GULP1: variants seen among roughly 807,000 people sequenced by gnomAD.
GULP1 encodes the protein GULP PTB domain containing engulfment adaptor 1, also known as PTB domain-containing engulfment adapter protein 1.
Under a neutral mutation model 40.9 loss-of-function variants are expected in GULP1, and 19 were observed. The ratio of observed to expected loss-of-function variants is 0.46; its 90% CI spans 0.32 to 0.68. The LOEUF is 0.68. Ranked by LOEUF, GULP1 falls within the 30% of genes least tolerant of loss-of-function variation. GULP1 has a pLI of 0.03. For missense variants in GULP1, 312 were observed against 362.2 expected (o/e 0.86, Z 1.12); for synonymous variants, 119 against 117.6 (o/e 1.01, Z -0.08).
At chr2:188,405,064 G>T (rs974664147) in intron 2 of GULP1, among the ~76,000 whole-genome samples, 4 of 152,152 alleles carry the variant, frequency 2.6e-5, no homozygotes, top group African/African-American at 9.6e-5. Context: ...GTCCACCTCA[G>T]TAGATTCCAG....
At chr2:188,538,331 A>T (rs1689483385) in intron 6 of GULP1, among the ~76,000 whole-genome samples, 1 of 152,044 alleles carries the variant, frequency 6.6e-6, no homozygotes. Flanking sequence ...CTAATAGCTA[A>T]TTTTTAAGAG....
intron 10 of GULP1, among the ~76,000 whole-genome samples, chr2:188,585,031 C>T (rs748068427): frequency 2.6e-5 from 4 of 152,162 alleles, no homozygotes; most frequent in Non-Finnish European, 5.9e-5. Flanking sequence ...ATTGGGTGAA[C>T]GTTTCCATTC....
chr2:188,461,965 G>C, intron 2 of GULP1, among the ~76,000 whole-genome samples: 1 of 151,698 alleles, frequency 6.6e-6, no homozygotes, highest in East Asian at 1.9e-4. Flanking sequence ...CTCCTCTGTT[G>C]GTTTGGGTTT....
chr2:188,445,451 A>C (rs2058305096), intron 2 of GULP1, among the ~76,000 whole-genome samples: 1 of 152,200 alleles, frequency 6.6e-6, no homozygotes, highest in Non-Finnish European at 1.5e-5. Context: ...ATGAGCATAT[A>C]CTAAGTGCTC....
chr2:188,522,925 A>G (rs1291060337), intron 5 of GULP1, 98 bp downstream of exon 5: 1 of 742,822 alleles, frequency 1.3e-6, no homozygotes, highest in African/African-American at 1.7e-5. Context: ...TGCTGCAGGT[A>G]TAGCTTCACC....
intron 5 of GULP1, among the ~76,000 whole-genome samples, chr2:188,523,999 T>C (rs1685494144): frequency 1.3e-5 from 2 of 152,210 alleles, no homozygotes; most frequent in South Asian, 4.1e-4. Flanking sequence ...TATTGGCCAC[T>C]AGTTTTAATC....
At chr2:188,430,549 A>G (rs906181417) in intron 2 of GULP1, among the ~76,000 whole-genome samples, 1 of 152,212 alleles carries the variant, frequency 6.6e-6, no homozygotes, top group Non-Finnish European at 1.5e-5. Flanking sequence ...CCTGGTTATA[A>G]TGAACACTTT....
chr2:188,415,039 T>C (rs1309356830), intron 2 of GULP1, among the ~76,000 whole-genome samples: 1 of 152,186 alleles, frequency 6.6e-6, no homozygotes, highest in African/African-American at 2.4e-5. Flanking sequence ...GAATGCATTG[T>C]TTAAAGATGA....
intron 2 of GULP1, among the ~76,000 whole-genome samples, chr2:188,430,357 A>G (rs1049839057): frequency 2.0e-5 from 3 of 152,210 alleles, no homozygotes; most frequent in African/African-American, 7.2e-5. Flanking sequence ...CTAGTTATCA[A>G]AAAGGTAAGG....
intron 5 of GULP1, among the ~76,000 whole-genome samples, chr2:188,528,814 G>A (rs746161021): frequency 1.3e-4 from 20 of 152,098 alleles, no homozygotes; most frequent in Non-Finnish European, 1.9e-4. Flanking sequence ...AGTATTTTGA[G>A]TTTTCTCAAC....
intron 2 of GULP1, among the ~76,000 whole-genome samples, chr2:188,426,470 G>A (rs181546650): frequency 6.6e-6 from 1 of 152,270 alleles, no homozygotes; most frequent in African/African-American, 2.4e-5. Flanking sequence ...AGGAGATTCT[G>A]TACAGAATAC....
intron 1 of GULP1, among the ~76,000 whole-genome samples, chr2:188,316,700 T>C (rs995988342): frequency 6.6e-6 from 1 of 152,172 alleles, no homozygotes; most frequent in Non-Finnish European, 1.5e-5. Context: ...CCATTAATCC[T>C]ATTTTAATAT....
intron 1 of GULP1, among the ~76,000 whole-genome samples, chr2:188,334,598 A>G (rs2042028134): frequency 6.6e-6 from 1 of 152,192 alleles, no homozygotes; most frequent in Non-Finnish European, 1.5e-5. Context: ...TGAGACTCAT[A>G]CCTTATCAAA....
At chr2:188,392,392 G>C (rs1403546904) in intron 2 of GULP1, among the ~76,000 whole-genome samples, 1 of 151,936 alleles carries the variant, frequency 6.6e-6, no homozygotes, top group Admixed American at 6.6e-5. Flanking sequence ...TGTGCATAGA[G>C]GTGTTCATAG....
chr2:188,396,054 CTG>C (rs1193789620), intron 2 of GULP1, among the ~76,000 whole-genome samples: 1 of 152,150 alleles, frequency 6.6e-6, no homozygotes, highest in African/African-American at 2.4e-5. Context: ...ATCCTTGGTG[CTG>C]TGTTATTCTG....
At chr2:188,432,046 G>T (rs1278960291) in intron 2 of GULP1, among the ~76,000 whole-genome samples, 2 of 150,594 alleles carry the variant, frequency 1.3e-5, no homozygotes, top group African/African-American at 4.9e-5. Flanking sequence ...ATAGGAACTA[G>T]AATTTTTATA....
At chr2:188,296,781 T>C (rs994544404) in intron 1 of GULP1, among the ~76,000 whole-genome samples, 1 of 152,106 alleles carries the variant, frequency 6.6e-6, no homozygotes, top group African/African-American at 2.4e-5. Context: ...CCTGCCTTTA[T>C]TTCATGTTTG....
Position 188,471,400 on chromosome 2 carries a change from G to A in GULP1, c.-44-6259G>A, listed in dbSNP as rs563800343. 9.4e-4 allele frequency among the ~76,000 whole-genome samples: 143 copies of A among 151,948 alleles called. 2 individuals carry two copies. Among genetic ancestry groups the A allele is most frequent in the South Asian group, 9.4e-3 (45 of 4,810 alleles). ...TGATGACTAAGGACTTACTCCTGCC[G>A]TTTTATTATTTGTTTTCTGGTTGTT... On this transcript the variant is annotated intron_variant, in intron 2 of 11. Coordinates refer to ENST00000409830, the MANE Select transcript of GULP1 (RefSeq NM_016315.4).
In GULP1 at chr2:188,569,132, C is replaced by A. The variant is rs149101529; in HGVS notation, c.400-107C>A. The A allele has an allele frequency of 8.9e-6, 6 of 677,342 alleles. No individual in the cohort carries two copies. In the African/African-American group the frequency reaches 9.1e-5, roughly 10 times the overall value. 42.0% of individuals were successfully genotyped at this position (677,342 alleles called of 1,614,324 possible). A position where few individuals can be genotyped will look rare whatever the true frequency, so the allele number is the denominator to read the frequency against. On this transcript the variant is annotated intron_variant, in intron 7 of 11. Coordinates refer to ENST00000409830, the MANE Select transcript of GULP1 (RefSeq NM_016315.4). ...CCCAACTGTTGCCCTTTTGAAGTAC[C>A]TCTTGTGAATGTCTTGGAGTAAGTG...
Sources: gnomAD v4.1 joint callset for allele counts (sites outside exome capture counted in the v4.1 genomes callset) on GRCh38, gnomAD v4.1.1 for gene constraint, MANE v1.5 for transcripts, NCBI Gene and HGNC (gene_info 2026-07-23, HGNC 2026-07-21) for gene names.